MIOX: variants seen among roughly 807,000 people sequenced by gnomAD.
MIOX encodes the protein myo-inositol oxygenase, also known as inositol oxygenase.
A neutral mutation model predicts 42.7 loss-of-function variants in MIOX; 51 were observed. The observed-to-expected ratio is 1.19, with a 90% confidence interval of 0.95 to 1.51. MIOX has a LOEUF of 1.51. MIOX is among the 40% of genes most tolerant of loss of function. The probability of loss-of-function intolerance (pLI) is 0.00; values close to 1 mark genes in which losing one functional copy is unlikely to be tolerated. For synonymous variants in MIOX, 168 were observed against 154.4 expected (o/e 1.09, Z -0.65); for missense variants, 395 against 381.3 (o/e 1.04, Z -0.30).
At chr22:50,488,159 C>A (rs536900621) in intron 4 of MIOX, 111 bp downstream of exon 4, 1 of 1,583,630 alleles carries the variant, frequency 6.3e-7, no homozygotes, top group Admixed American at 1.8e-5. Context: ...TCCAGCAGCC[C>A]TGCCTGGGTT....
intron 1 of MIOX, among the ~76,000 whole-genome samples, 176 bp from the exon 2 acceptor site, chr22:50,487,209 C>T (rs1368433796): frequency 1.3e-5 from 2 of 152,176 alleles, no homozygotes; most frequent in Non-Finnish European, 2.9e-5. Context: ...TCCTGGGACT[C>T]GCTGAGGCCA....
In MIOX at chr22:50,489,032, C is replaced by CTCCTGTCCT. The variant is rs1569516570; in HGVS notation, c.409-6_409-5insCTGTCCTTC. ...CCATGGCCTCCCGTCCCTCCTGTCC[C>CTCCTGTCCT]TCTGCAGTGGGCTGTCGTCGGCGAC... On this transcript the variant is annotated splice_polypyrimidine_tract_variant and splice_region_variant and intron_variant, in intron 5 of 9. Transcript: ENST00000216075. 3 of 1,603,090 alleles carry CTCCTGTCCT rather than the reference C, an allele frequency of 1.9e-6. No homozygotes were observed. The Admixed American group carries it at 5.0e-5, about 27-fold the overall frequency.
In MIOX at chr22:50,489,424, A is replaced by G. The variant is rs1311870336; in HGVS notation, c.614A>G (p.Asn205Ser). Residue 205 changes from asparagine (N) to serine (S), a missense_variant, in exon 8 of 10, where the codon AAC (asparagine) becomes AGC (serine). By Grantham distance (46) the Asn-to-Ser change is conservative. Transcript: ENST00000216075. ...TACATGTACCAGGTGATGAAGTTTA[A>G]CAAGTTCTCACTGCCCCCTGAGGTA... ...DEYMYQVMKF[N>S]KFSLPPEAFY... 1 of 1,602,890 alleles carries G rather than the reference A, an allele frequency of 6.2e-7. No homozygotes were observed. Among genetic ancestry groups the G allele is most frequent in the South Asian group, 1.1e-5 (1 of 90,614 alleles).
chr22:50,489,922 C>A lies in MIOX; in HGVS notation c.*66C>A, dbSNP rs2068340414. 6.7e-7 allele frequency: 1 copy of A among 1,484,166 alleles called. No homozygotes were observed. Among genetic ancestry groups the A allele is most frequent in the East Asian group, 2.3e-5 (1 of 44,008 alleles). The allele number at this position is 1,484,166 out of a possible 1,614,324, so 91.9% of individuals were successfully genotyped here. On this transcript the variant is annotated 3_prime_UTR_variant, in exon 10 of 10. Transcript: ENST00000216075. ...CCTCCGCCTGCCTGGAGAGGCCTGGCCCTGGGCAAACAGCCGCCATCAGGG... is the reference window on the plus strand; with the variant it reads ...CCTCCGCCTGCCTGGAGAGGCCTGGACCTGGGCAAACAGCCGCCATCAGGG...
Position 50,487,895 on chromosome 22 carries a change from T to C in MIOX, c.187T>C (p.Phe63Leu). 1 of 1,613,716 alleles carries C rather than the reference T, an allele frequency of 6.2e-7. No individual in the cohort carries two copies. Among genetic ancestry groups the C allele is most frequent in the Non-Finnish European group, 8.5e-7 (1 of 1,179,806 alleles). Residue 63 changes from phenylalanine (F) to leucine (L), a missense_variant, in exon 4 of 10, where the codon TTT (phenylalanine) becomes CTT (leucine). Transcript: ENST00000216075. Reference sequence around the variant, plus strand: ...TCTCCTTCCCCGCCAGCATGCCCAGTTTGGGGGCTTCTCCTACAAGAAAAT... The same window carrying C: ...TCTCCTTCCCCGCCAGCATGCCCAGCTTGGGGGCTTCTCCTACAAGAAAAT... ...VDFVRSKHAQ[F>L]GGFSYKKMTV...
chr22:50,490,007 G>A lies in MIOX; in HGVS notation c.*151G>A, dbSNP rs1603437949. On this transcript the variant is annotated 3_prime_UTR_variant, in exon 10 of 10. Coordinates refer to ENST00000216075, the MANE Select transcript of MIOX (RefSeq NM_017584.6). ...GGGTCGCCACCCCTCACGGCAACTTGTGCCTGGCGTCAATAAAGACCTGGA... is the reference window on the plus strand; with the variant it reads ...GGGTCGCCACCCCTCACGGCAACTTATGCCTGGCGTCAATAAAGACCTGGA... The A allele has an allele frequency of 1.5e-6, 1 of 648,744 alleles. No individual in the cohort carries two copies. The highest frequency in any genetic ancestry group is 2.7e-6 in the Non-Finnish European group (1 of 371,500). 40.2% of individuals were successfully genotyped at this position (648,744 alleles called of 1,614,324 possible).
intron 1 of MIOX, 48 bp downstream of exon 1, chr22:50,486,960 G>T: frequency 6.2e-7 from 1 of 1,609,850 alleles, no homozygotes. Context: ...CTGCTCTCCT[G>T]GTGGCCAGCC....
Position 50,488,257 on chromosome 22 carries a change from T to C in MIOX, c.341-18T>C, listed in dbSNP as rs1235142810. ...GGCCCCTGCAGTCCCCAACCTGCCC[T>C]GTCCATCCCCCTCCCAGACTGGTTC... On this transcript the variant is annotated intron_variant, in intron 4 of 9. Coordinates refer to ENST00000216075, the MANE Select transcript of MIOX (RefSeq NM_017584.6). 1 of 1,613,636 alleles carries C rather than the reference T, an allele frequency of 6.2e-7. No homozygotes were observed. The highest frequency in any genetic ancestry group is 1.7e-5 in the Admixed American group (1 of 59,938).
Position 50,487,371 on chromosome 22 carries a change from C to T in MIOX, c.16-14C>T. 5 of 1,604,080 alleles carry T rather than the reference C, an allele frequency of 3.1e-6. No homozygotes were observed. The highest frequency in any genetic ancestry group is 1.7e-5 in the Admixed American group (1 of 58,478). ...ACATGATGGTGAAATAGGTTCAATC[C>T]TCCACCTACCCAGGGCCCAGACCCT... On this transcript the variant is annotated splice_polypyrimidine_tract_variant and intron_variant, in intron 1 of 9. Coordinates refer to ENST00000216075, the MANE Select transcript of MIOX (RefSeq NM_017584.6).
intron 5 of MIOX, 28 bp downstream of exon 5, chr22:50,488,370 G>A: frequency 6.4e-7 from 1 of 1,561,682 alleles, no homozygotes; most frequent in Middle Eastern, 1.7e-4. Flanking sequence ...AGGGTGAGGA[G>A]GCTGCATGTT....
In MIOX at chr22:50,489,225, C is replaced by G; in HGVS notation, c.519-3C>G. 1 of 1,609,770 alleles carries G rather than the reference C, an allele frequency of 6.2e-7. No individual in the cohort carries two copies. Among genetic ancestry groups the G allele is most frequent in the Non-Finnish European group, 8.5e-7 (1 of 1,179,634 alleles). ...CCCTCCTCACCCTGGTATCTCACTG[C>G]AGCACAGAGCTCGGGATGTATCAGC... is the stretch of plus-strand genomic sequence containing the variant. On this transcript the variant is annotated splice_region_variant and splice_polypyrimidine_tract_variant and intron_variant, in intron 6 of 9. Coordinates refer to ENST00000216075, the MANE Select transcript of MIOX (RefSeq NM_017584.6).
At position 50,489,803 on chromosome 22, in the gene MIOX, C is replaced by T; in HGVS notation, c.805C>T (p.Pro269Ser). 1.2e-6 allele frequency: 2 copies of T among 1,612,040 alleles called. No homozygotes were observed. The highest frequency in any genetic ancestry group is 2.2e-5 in the East Asian group (1 of 44,884). The change falls in exon 10 of 10, where the codon CCC (proline) becomes TCC (serine). Residue 269 changes from proline (P) to serine (S), a missense_variant. By Grantham distance (74) the Pro-to-Ser change is moderately conservative (BLOSUM62 -1). Transcript: ENST00000216075. ...PDLPDVDKLRPYYQGLIDKYC... is the reference protein window; with the variant it reads ...PDLPDVDKLRSYYQGLIDKYC... ...CCTGCCGGACGTGGACAAGCTGCGG[C>T]CCTACTACCAGGGGCTCATTGACAA...
At chr22:50,487,054 C>A in intron 1 of MIOX, 142 bp downstream of exon 1, 2 of 1,114,224 alleles carry the variant, frequency 1.8e-6, no homozygotes, top group South Asian at 1.3e-5. Flanking sequence ...GACCCCCAGG[C>A]TCCCTGTGGA....
At position 50,487,643 on chromosome 22, in the gene MIOX, C is replaced by A; in HGVS notation, c.97-19C>A. Reference sequence around the variant, plus strand: ...CGTGTGCAGGGTGGGGGTGGCGCCACTGACCCTCCGGCCTGCAGTCAGGTC... The same window carrying A: ...CGTGTGCAGGGTGGGGGTGGCGCCAATGACCCTCCGGCCTGCAGTCAGGTC... On this transcript the variant is annotated intron_variant, in intron 2 of 9. Transcript: ENST00000216075. The A allele has an allele frequency of 6.2e-7, 1 of 1,609,414 alleles. No homozygotes were observed. Among genetic ancestry groups the A allele is most frequent in the Non-Finnish European group, 8.5e-7 (1 of 1,177,776 alleles).
intron 3 of MIOX, 66 bp downstream of exon 3, chr22:50,487,808 C>A: frequency 6.2e-7 from 1 of 1,610,562 alleles, no homozygotes; most frequent in Non-Finnish European, 8.5e-7. Context: ...ATGAGCCCAC[C>A]AGGCGCCGAG....
rs202149960 is a variant in MIOX at position 50,489,883 on chromosome 22, G to A, written c.*27G>A. On this transcript the variant is annotated 3_prime_UTR_variant, in exon 10 of 10. Transcript: ENST00000216075. ...CCTCCTGCCACCCAAGCTGCTGCTG[G>A]ACCTAGGCCTGGCCCTCCGCCTGCC... The A allele has an allele frequency of 2.0e-4, 315 of 1,599,298 alleles. 4 individuals carry two copies. In the Admixed American group the frequency reaches 5.2e-3, roughly 26 times the overall value.
At position 50,487,881 on chromosome 22, in the gene MIOX, G is replaced by T. The variant is rs373124006; in HGVS notation, c.178-5G>T. 6.2e-7 allele frequency: 1 copy of T among 1,613,518 alleles called. No individual in the cohort carries two copies. The highest frequency in any genetic ancestry group is 1.3e-5 in the African/African-American group (1 of 74,934). ...GGGCCACACTGCCTTCTCCTTCCCCGCCAGCATGCCCAGTTTGGGGGCTTC... is the reference window on the plus strand; with the variant it reads ...GGGCCACACTGCCTTCTCCTTCCCCTCCAGCATGCCCAGTTTGGGGGCTTC... On this transcript the variant is annotated splice_polypyrimidine_tract_variant and splice_region_variant and intron_variant, in intron 3 of 9. Transcript: ENST00000216075.
intron 1 of MIOX, 99 bp downstream of exon 1, chr22:50,487,011 C>T (rs930544555): frequency 3.4e-6 from 5 of 1,491,270 alleles, no homozygotes; most frequent in East Asian, 4.6e-5. Flanking sequence ...AGCCCTCCTC[C>T]TCCGTCCAGC....
Position 50,489,634 on chromosome 22 carries a change from C to A in MIOX, c.739C>A (p.Arg247=), listed in dbSNP as rs769716685. 1 of 1,406,744 alleles carries A rather than the reference C, an allele frequency of 7.1e-7. No individual in the cohort carries two copies. Among genetic ancestry groups the A allele is most frequent in the Non-Finnish European group, 9.5e-7 (1 of 1,054,180 alleles). 87.1% of individuals were successfully genotyped at this position (1,406,744 alleles called of 1,614,324 possible). A position where few individuals can be genotyped will look rare whatever the true frequency, so the allele number is the denominator to read the frequency against. The change falls in exon 9 of 10, where the codon CGG becomes AGG. Residue 247 remains arginine, a synonymous_variant. Coordinates refer to ENST00000216075, the MANE Select transcript of MIOX (RefSeq NM_017584.6). The stretch of plus-strand genomic sequence containing the variant: ...GGACCTGGCCATGCTGCCCTGGGTG[C>A]GGGAGTTCAAGTACGCCCCGCTACC... ...QQDLAMLPWV[R]EFNKFDLYTK...
Sources: gnomAD v4.1 joint callset for allele counts (sites outside exome capture counted in the v4.1 genomes callset) on GRCh38, gnomAD v4.1.1 for gene constraint, MANE v1.5 for transcripts, NCBI Gene and HGNC (gene_info 2026-07-23, HGNC 2026-07-21) for gene names.